COL4A6: variants seen among roughly 807,000 people sequenced by gnomAD.
The protein encoded by COL4A6 is collagen type IV alpha 6 chain.
COL4A6 carries 59 observed loss-of-function variants against 126.7 expected under a neutral mutation model. That is an observed-to-expected ratio of 0.47 (90% CI 0.38 to 0.58). The LOEUF is 0.58. Ranked by LOEUF, COL4A6 falls within the 20% of genes least tolerant of loss-of-function variation. The pLI is 0.00. For missense variants in COL4A6, 1,285 were observed against 1,337.3 expected (o/e 0.96, Z 0.61); for synonymous variants, 547 against 496.6 (o/e 1.10, Z -1.35).
intron 5 of COL4A6, among the ~76,000 whole-genome samples, chrX:108,217,461 C>T (rs746551433): frequency 4.5e-5 from 5 of 111,277 alleles, no homozygotes; most frequent in East Asian, 2.8e-4. Context: ...CAGCCTCCAC[C>T]GCAATATCTT....
chrX:108,180,528 A>G lies in COL4A6; in HGVS notation c.2118T>C (p.Leu706=). The G allele has an allele frequency of 8.3e-7, 1 of 1,206,114 alleles. No homozygotes were observed. Among genetic ancestry groups the G allele is most frequent in the South Asian group, 1.8e-5 (1 of 55,797 alleles). ...GEPGSPGLVH[L]PELPGFPGPR... is the part of the protein sequence containing the mutation. ...TCCTTTTCTTACCTGGTAATTCAGG[A>G]AGATGAACCAATCCTGGACTCCCTG... The change falls in exon 25 of 45, where the codon CTT becomes CTC. Residue 706 remains leucine, a synonymous_variant. Coordinates refer to ENST00000334504, the MANE Select transcript of COL4A6 (RefSeq NM_033641.4).
At chrX:108,232,380 C>A (rs1289243767) in intron 3 of COL4A6, among the ~76,000 whole-genome samples, 2 of 111,587 alleles carry the variant, frequency 1.8e-5, no homozygotes, top group Non-Finnish European at 3.8e-5. Flanking sequence ...AACTAAACAC[C>A]TTTGTAACTA....
chrX:108,262,134 C>T (rs1009455453), intron 3 of COL4A6, among the ~76,000 whole-genome samples: 2 of 111,820 alleles, frequency 1.8e-5, no homozygotes, highest in African/African-American at 6.5e-5. Context: ...TGCTGGGTCT[C>T]ATTTGGATGA....
rs187376175 is a variant in COL4A6 at position 108,350,552 on chromosome X, T to C, written c.64-39724A>G. Among the ~76,000 whole-genome samples the C allele has an allele frequency of 1.8e-4, 20 of 111,462 alleles. No individual in the cohort carries two copies. In the Admixed American group the frequency reaches 1.9e-3, roughly 11 times the overall value. The stretch of plus-strand genomic sequence containing the variant: ...GAGTTGTAGGAATTGGTGGAAAGAA[T>C]GAAAAAACCAATTCAGGCATCTAGG... On this transcript the variant is annotated intron_variant, in intron 2 of 44. Coordinates refer to ENST00000334504, the MANE Select transcript of COL4A6 (RefSeq NM_033641.4).
intron 2 of COL4A6, among the ~76,000 whole-genome samples, chrX:108,343,750 G>A (rs756188365): frequency 4.7e-5 from 5 of 106,890 alleles, no homozygotes; most frequent in Non-Finnish European, 9.6e-5. Context: ...TTCCAAATTA[G>A]GTTGAAAATG....
intron 3 of COL4A6, among the ~76,000 whole-genome samples, chrX:108,282,986 G>A (rs2037888078): frequency 1.2e-5 from 1 of 81,377 alleles, no homozygotes; most frequent in South Asian, 7.9e-4. Context: ...ATCACACTCT[G>A]GGGACTGTTG....
chrX:108,406,588 C>T (rs2041212843), intron 2 of COL4A6, among the ~76,000 whole-genome samples: 3 of 112,149 alleles, frequency 2.7e-5, no homozygotes, highest in Admixed American at 9.5e-5. Flanking sequence ...CCACACACAC[C>T]ATGCTGGTTC....
At chrX:108,212,870 G>C (rs978149831) in intron 6 of COL4A6, among the ~76,000 whole-genome samples, 1 of 111,362 alleles carries the variant, frequency 9.0e-6, no homozygotes, top group Admixed American at 9.5e-5. Flanking sequence ...TTTGTCAATG[G>C]GTATTTATTA....
intron 1 of COL4A6, 80 bp downstream of exon 1, chrX:108,438,106 G>C (rs2064304478): frequency 2.5e-6 from 3 of 1,204,657 alleles, no homozygotes; most frequent in Non-Finnish European, 3.4e-6. Flanking sequence ...TGCAGTGACA[G>C]AAGTACCAGT....
chrX:108,439,356 A>T, upstream of COL4A6: 1 of 814,048 alleles, frequency 1.2e-6, no homozygotes, highest in Non-Finnish European at 1.7e-6. Context: ...TTATTTTCTT[A>T]CTTGTTTATA....
chrX:108,379,821 T>C (rs960647972), intron 2 of COL4A6, among the ~76,000 whole-genome samples: 1 of 110,294 alleles, frequency 9.1e-6, no homozygotes, highest in Non-Finnish European at 1.9e-5. Flanking sequence ...TTAATATTTT[T>C]AAAAAGCTCT....
chrX:108,249,319 T>C (rs2036792534), intron 3 of COL4A6, among the ~76,000 whole-genome samples: 1 of 109,915 alleles, frequency 9.1e-6, no homozygotes, highest in Non-Finnish European at 1.9e-5. Flanking sequence ...GGATATAGAG[T>C]CCTCTCATAT....
chrX:108,310,668 T>C, intron 3 of COL4A6, 80 bp downstream of exon 3: 2 of 897,855 alleles, frequency 2.2e-6, no homozygotes, highest in South Asian at 4.3e-5. Context: ...GAGTAAATTC[T>C]AAGCAGTTTA....
At chrX:108,343,325 G>A (rs2039630158) in intron 2 of COL4A6, among the ~76,000 whole-genome samples, 1 of 107,292 alleles carries the variant, frequency 9.3e-6, no homozygotes. Flanking sequence ...AAATCAGGGG[G>A]ACGGAACTGT....
At chrX:108,374,397 C>G (rs2040393620) in intron 2 of COL4A6, among the ~76,000 whole-genome samples, 1 of 112,130 alleles carries the variant, frequency 8.9e-6, no homozygotes, top group Non-Finnish European at 1.9e-5. Flanking sequence ...GGGCCTAAAG[C>G]TGTCCAAGGA....
Position 108,170,882 on chromosome X carries a change from C to G in COL4A6, c.3313G>C (p.Gly1105Arg). The G allele has an allele frequency of 1.7e-6, 2 of 1,211,854 alleles. No individual in the cohort carries two copies. The highest frequency in any genetic ancestry group is 2.2e-6 in the Non-Finnish European group (2 of 895,269). ...TCTTCACCTTTGTTTCCAGGGAAGCCTATATTGCCTATTAGTCCATCTCTT... is the reference window on the plus strand; with the variant it reads ...TCTTCACCTTTGTTTCCAGGGAAGCGTATATTGCCTATTAGTCCATCTCTT... ...KGRDGLIGNI[G>R]FPGNKGEDGK... Residue 1105 changes from glycine to arginine, a missense_variant, in exon 34 of 45, where the codon GGC becomes CGC. Physicochemically the swap from Gly to Arg is moderately radical, Grantham distance 125. Coordinates refer to ENST00000334504, the MANE Select transcript of COL4A6 (RefSeq NM_033641.4).
chrX:108,365,049 G>A (rs1002185996), intron 2 of COL4A6, among the ~76,000 whole-genome samples: 4 of 111,151 alleles, frequency 3.6e-5, no homozygotes, highest in African/African-American at 1.3e-4. Context: ...GTGTATGTGC[G>A]CATGCTCTTC....
At chrX:108,164,836 T>C in intron 39 of COL4A6, 41 bp downstream of exon 39, 2 of 1,188,285 alleles carry the variant, frequency 1.7e-6, no homozygotes, top group Non-Finnish European at 2.3e-6. Flanking sequence ...GTCCTGGCCG[T>C]GGAGTGGGGA....
intron 2 of COL4A6, among the ~76,000 whole-genome samples, chrX:108,385,976 T>G (rs937075340): frequency 1.8e-5 from 2 of 110,959 alleles, no homozygotes; most frequent in Non-Finnish European, 3.8e-5. Flanking sequence ...GTGTTTGGTT[T>G]TCTGTCCTTG....
Sources: allele counts gnomAD v4.1 joint callset (sites outside exome capture counted in the v4.1 genomes callset), GRCh38; gene constraint gnomAD v4.1.1; transcripts MANE v1.5; gene names NCBI Gene and HGNC (gene_info 2026-07-23, HGNC 2026-07-21).